Variants in ADAMTS8 observed in about 807,000 individuals in gnomAD.
ADAMTS8 encodes A disintegrin and metalloproteinase with thrombospondin motifs 8.
A neutral mutation model predicts 64.4 loss-of-function variants in ADAMTS8; 50 were observed. The observed-to-expected ratio is 0.78, with a 90% confidence interval of 0.62 to 0.98. The LOEUF (loss-of-function observed/expected upper bound fraction) is 0.98. Among genes scored for constraint, ADAMTS8 ranks in the 50% least tolerant of loss-of-function variants. ADAMTS8 has a pLI of 0.00. For synonymous variants in ADAMTS8, 556 were observed against 533.6 expected (o/e 1.04, Z -0.58); for missense variants, 1,192 against 1,208.2 (o/e 0.99, Z 0.20).
chr11:130,412,865 TCTTTCTTTCTCA>T (rs542057098), intron 5 of ADAMTS8, among the ~76,000 whole-genome samples: 18 of 152,318 alleles, frequency 1.2e-4, no homozygotes, highest in South Asian at 4.1e-4. Flanking sequence ...TCTCTTTCTC[TCTTTCTTTCTCA>T]CTTTCTTTCT....
Position 130,414,510 on chromosome 11 carries a change from T to C in ADAMTS8, c.1566+21A>G, listed in dbSNP as rs752496517. 737 of 1,561,524 alleles carry C rather than the reference T, an allele frequency of 4.7e-4. 1 individual carries two copies. Among genetic ancestry groups the C allele is most frequent in the Non-Finnish European group, 6.1e-4 (701 of 1,151,770 alleles). The stretch of plus-strand genomic sequence containing the variant: ...TGTTTCTCCTTTCCCCTCCCCGCTA[T>C]CCTCAGGGGCTGTCCCTCACCTTGG... On this transcript the variant is annotated intron_variant, in intron 5 of 8. Coordinates refer to ENST00000257359, the MANE Select transcript of ADAMTS8 (RefSeq NM_007037.6).
intron 8 of ADAMTS8, among the ~76,000 whole-genome samples, chr11:130,407,787 A>C (rs1041362969): frequency 7.9e-5 from 12 of 152,236 alleles, no homozygotes; most frequent in Admixed American, 7.2e-4. Flanking sequence ...ATGTGACCTT[A>C]GAAAAGTCAT....
Position 130,428,005 on chromosome 11 carries a change from C to CTCGCCCCCGG in ADAMTS8, c.272_281dup (p.Glu94AspfsTer109). The CTCGCCCCCGG allele has an allele frequency of 6.6e-7, 1 of 1,526,672 alleles. No individual in the cohort carries two copies. Among genetic ancestry groups the CTCGCCCCCGG allele is most frequent in the Non-Finnish European group, 8.7e-7 (1 of 1,143,398 alleles). 94.6% of individuals were successfully genotyped at this position (1,526,672 alleles called of 1,614,324 possible). On this transcript the variant is annotated frameshift_variant, in exon 1 of 9. Transcript: ENST00000257359. LOFTEE classifies it high-confidence loss of function. ...AGAAGAAGCAGCCGCGCAGCCCCCGCTCGCCCCCGGTCGCCCGGCCGGAGC... is the reference window on the plus strand; with the variant it reads ...AGAAGAAGCAGCCGCGCAGCCCCCGCTCGCCCCCGGTCGCCCCCGGTCGCCCGGCCGGAGC...
chr11:130,414,454 A>C (rs906516856), intron 5 of ADAMTS8, 77 bp downstream of exon 5: 1 of 1,489,852 alleles, frequency 6.7e-7, no homozygotes, highest in African/African-American at 1.4e-5. Context: ...TTCCTTCTGG[A>C]GAACAGCCCT....
chr11:130,422,657 A>T lies in ADAMTS8; in HGVS notation c.721-3365T>A, dbSNP rs1481689165. On this transcript the variant is annotated intron_variant, in intron 1 of 8. Coordinates refer to ENST00000257359, the MANE Select transcript of ADAMTS8 (RefSeq NM_007037.6). ...AGAGGAGAAAAGAGCAACCTGCATC[A>T]TATGCTTCATCTCCTCTTGTTCTGC... Among the ~76,000 whole-genome samples the T allele has an allele frequency of 2.0e-5, 3 of 152,344 alleles. No individual in the cohort carries two copies. The East Asian group carries it at 5.8e-4, about 29-fold the overall frequency.
At position 130,411,548 on chromosome 11, in the gene ADAMTS8, C is replaced by G; in HGVS notation, c.1619G>C (p.Arg540Pro). The G allele has an allele frequency of 6.2e-7, 1 of 1,614,148 alleles. No individual in the cohort carries two copies. The highest frequency in any genetic ancestry group is 8.5e-7 in the Non-Finnish European group (1 of 1,180,038). The change falls in exon 6 of 9, where the codon CGG (arginine) becomes CCG (proline). Residue 540 changes from arginine to proline, a missense_variant. Around this residue, in one of 5 missense-constraint regions of ADAMTS8, gnomAD observed 290 missense variants for 297.8 expected, o/e 0.97. Transcript: ENST00000257359. The surrounding 1 kb of genome is among the most constrained non-coding windows in gnomAD (Gnocchi z 4.2). The part of the protein sequence containing the change: ...APWGPWGECS[R>P]TCGGGVQFSH... ...AAACTGTACTCCTCCTCCACAGGTC[C>G]GAGAACATTCTCCCCAGGGTCCCCA...
chr11:130,416,150 C>T lies in ADAMTS8; in HGVS notation c.1264+13G>A, dbSNP rs969047399. The T allele has an allele frequency of 2.2e-5, 35 of 1,559,768 alleles. No individual in the cohort carries two copies. The highest frequency in any genetic ancestry group is 9.5e-5 in the African/African-American group (7 of 73,880). On this transcript the variant is annotated intron_variant, in intron 4 of 8. Coordinates refer to ENST00000257359, the MANE Select transcript of ADAMTS8 (RefSeq NM_007037.6). This position sits in a 1 kb window ranked among gnomAD's most constrained non-coding sequence, Gnocchi z 4.8. ...CCCACGGGGACAAGTAGGGCGGGGC[C>T]GCCGGTGCCTACCGTGCCCGCCGTC...
intron 8 of ADAMTS8, among the ~76,000 whole-genome samples, chr11:130,406,877 G>A (rs559490008): frequency 3.3e-5 from 5 of 152,326 alleles, no homozygotes; most frequent in African/African-American, 1.2e-4. Context: ...CATAGGCTGG[G>A]GAGAAAGTGA....
chr11:130,407,943 G>A (rs1301474590), intron 8 of ADAMTS8, among the ~76,000 whole-genome samples: 1 of 152,156 alleles, frequency 6.6e-6, no homozygotes, highest in African/African-American at 2.4e-5. Context: ...TGAATGTGGG[G>A]CATTAGGATG....
intron 8 of ADAMTS8, 58 bp from the exon 9 acceptor site, chr11:130,406,186 T>A (rs1223057617): frequency 1.3e-6 from 2 of 1,551,978 alleles, no homozygotes; most frequent in African/African-American, 2.7e-5. Flanking sequence ...CAGGTCACGA[T>A]GATGCCTTGG....
intron 1 of ADAMTS8, among the ~76,000 whole-genome samples, chr11:130,425,154 G>T (rs780589834): frequency 6.6e-6 from 1 of 152,140 alleles, no homozygotes; most frequent in Non-Finnish European, 1.5e-5. Flanking sequence ...AGTCTCATGA[G>T]GATGGCAATG....
intron 1 of ADAMTS8, among the ~76,000 whole-genome samples, chr11:130,424,055 G>T (rs1341389824): frequency 6.6e-6 from 1 of 152,188 alleles, no homozygotes; most frequent in Non-Finnish European, 1.5e-5. Flanking sequence ...CAGCCTCCAC[G>T]GCGGTTTCTT....
chr11:130,425,887 C>T (rs1000073917), intron 1 of ADAMTS8, among the ~76,000 whole-genome samples: 1 of 152,154 alleles, frequency 6.6e-6, no homozygotes, highest in African/African-American at 2.4e-5. Flanking sequence ...AGGCTTGAGC[C>T]ACCGTGCCCG....
At chr11:130,426,815 A>C (rs1359079789) in intron 1 of ADAMTS8, among the ~76,000 whole-genome samples, 2 of 152,188 alleles carry the variant, frequency 1.3e-5, no homozygotes, top group East Asian at 3.9e-4. Flanking sequence ...AGAGACATTC[A>C]CCCAAAGAGC....
At chr11:130,413,183 A>G (rs1239908596) in intron 5 of ADAMTS8, among the ~76,000 whole-genome samples, 1 of 151,986 alleles carries the variant, frequency 6.6e-6, no homozygotes, top group Non-Finnish European at 1.5e-5. Context: ...GTATTTTCTG[A>G]TCTGACTTCT....
Position 130,411,292 on chromosome 11 carries a change from TC to T in ADAMTS8, c.1750+124del. ...CTACATCCCAGGAGACCCAATTTAC[TC>T]CCCTCTGGGAGTAACTCTATATCCC... On this transcript the variant is annotated intron_variant, in intron 6 of 8. Coordinates refer to ENST00000257359, the MANE Select transcript of ADAMTS8 (RefSeq NM_007037.6). This position sits in a 1 kb window ranked among gnomAD's most constrained non-coding sequence, Gnocchi z 4.2. 1 of 1,208,240 alleles carries T rather than the reference TC, an allele frequency of 8.3e-7. No individual in the cohort carries two copies. The highest frequency in any genetic ancestry group is 1.1e-6 in the Non-Finnish European group (1 of 870,584). 74.8% of individuals were successfully genotyped at this position (1,208,240 alleles called of 1,614,324 possible).
chr11:130,419,163 C>T lies in ADAMTS8; in HGVS notation c.850G>A (p.Asp284Asn), dbSNP rs763820298. ...EDEKWGPEVS[D>N]NGGLTLRNFC... The stretch of plus-strand genomic sequence containing the variant: ...TTACGCAGTGTAAGCCCCCCATTGT[C>T]GGACACCTCTGGGCCCCATTTTTCA... Residue 284 changes from aspartate (D) to asparagine (N), a missense_variant, in exon 2 of 9, where the codon GAC becomes AAC. By Grantham distance (23) the Asp-to-Asn change is conservative. Around this residue, in one of 5 missense-constraint regions of ADAMTS8, gnomAD observed 741 missense variants for 710.6 expected, o/e 1.04. Transcript: ENST00000257359. The T allele has an allele frequency of 2.2e-5, 35 of 1,614,074 alleles. No individual in the cohort carries two copies. The highest frequency in any genetic ancestry group is 3.3e-5 in the Admixed American group (2 of 60,002).
At chr11:130,413,765 C>T (rs1408660480) in intron 5 of ADAMTS8, among the ~76,000 whole-genome samples, 1 of 152,198 alleles carries the variant, frequency 6.6e-6, no homozygotes, top group Non-Finnish European at 1.5e-5. Flanking sequence ...ATTCTCCCAA[C>T]CTGTAATTAT....
intron 1 of ADAMTS8, among the ~76,000 whole-genome samples, chr11:130,425,596 C>CT (rs1319170512): frequency 1.4e-5 from 2 of 139,802 alleles, no homozygotes; most frequent in Non-Finnish European, 3.0e-5. Flanking sequence ...TTGTGTTTTT[C>CT]TTTTTTCTTT....
Sources: allele counts gnomAD v4.1 joint callset (sites outside exome capture counted in the v4.1 genomes callset), GRCh38; gene constraint gnomAD v4.1.1; regional missense constraint gnomAD v4.1.1; non-coding constraint Gnocchi (gnomAD v3.1); transcripts MANE v1.5; gene names NCBI Gene and HGNC (gene_info 2026-07-23, HGNC 2026-07-21).